The following GRIA3 variants were observed in gnomAD, a reference collection of about 807,000 sequenced individuals.
The protein encoded by GRIA3 is glutamate ionotropic receptor AMPA type subunit 3, also known as glutamate receptor 3.
Under a neutral mutation model 63.0 loss-of-function variants are expected in GRIA3, and 3 were observed. That is an observed-to-expected ratio of 0.05 (90% confidence interval 0.02 to 0.12). The LOEUF (loss-of-function observed/expected upper bound fraction) is 0.12. Among genes scored for constraint, GRIA3 ranks in the 10% least tolerant of loss-of-function variants. The pLI, the probability that GRIA3 is intolerant of heterozygous loss-of-function variation, is 1.00. For missense variants in GRIA3, 347 were observed against 700.9 expected (o/e 0.50, Z 5.70); for synonymous variants, 274 against 257.9 (o/e 1.06, Z -0.60).
At chrX:123,423,372 A>G (rs146726393) in intron 11 of GRIA3, among the ~76,000 whole-genome samples, 19 of 111,995 alleles carry the variant, frequency 1.7e-4, no homozygotes, top group African/African-American at 6.1e-4. Flanking sequence ...GAGATCAAAG[A>G]CAATAGGATT....
chrX:123,337,883 ATTG>A (rs1212026800), intron 4 of GRIA3, among the ~76,000 whole-genome samples: 2 of 112,122 alleles, frequency 1.8e-5, no homozygotes, highest in African/African-American at 6.5e-5. Flanking sequence ...CATAAAATCA[ATTG>A]TTGTTTGACA....
intron 2 of GRIA3, among the ~76,000 whole-genome samples, chrX:123,247,806 G>A (rs998252468): frequency 4.5e-5 from 5 of 111,558 alleles, no homozygotes; most frequent in Admixed American, 2.8e-4. Context: ...CTTGGTATGA[G>A]ATAGAGGGCA....
At chrX:123,300,478 G>A (rs1300868803) in intron 3 of GRIA3, among the ~76,000 whole-genome samples, 2 of 103,575 alleles carry the variant, frequency 1.9e-5, no homozygotes, top group Non-Finnish European at 4.0e-5. Flanking sequence ...GTCTTGGGAG[G>A]GTGTATGTAT....
At position 123,374,836 on chromosome X, in the gene GRIA3, C is replaced by T. The variant is rs750436943; in HGVS notation, c.750+19873C>T. On this transcript the variant is annotated intron_variant, in intron 5 of 15. Transcript: ENST00000620443. ...GACTTCCTCGTTTCCTAACTGAATA[C>T]CCTTTATTTATTTCTCTTGCCTGAT... Among the ~76,000 whole-genome samples the T allele has an allele frequency of 4.5e-5, 5 of 111,889 alleles. No homozygotes were observed. The South Asian group carries it at 1.9e-3, about 42-fold the overall frequency.
intron 2 of GRIA3, among the ~76,000 whole-genome samples, chrX:123,251,761 T>C (rs1286322235): frequency 8.9e-6 from 1 of 111,923 alleles, no homozygotes; most frequent in African/African-American, 3.2e-5. Context: ...AGACGTTTCC[T>C]GTGCATGTGT....
At chrX:123,380,417 G>A (rs1381714312) in intron 5 of GRIA3, among the ~76,000 whole-genome samples, 2 of 111,818 alleles carry the variant, frequency 1.8e-5, no homozygotes, top group Non-Finnish European at 3.8e-5. Flanking sequence ...TTTTTTTCAT[G>A]TGTCTTTTGG....
intron 2 of GRIA3, among the ~76,000 whole-genome samples, chrX:123,212,575 A>T (rs1456243785): frequency 1.8e-5 from 2 of 111,956 alleles, no homozygotes; most frequent in Non-Finnish European, 3.8e-5. Flanking sequence ...GTGAATGACA[A>T]AGAGTTTGCT....
At chrX:123,204,945 C>T (rs1295946410) in intron 2 of GRIA3, among the ~76,000 whole-genome samples, 14 of 111,183 alleles carry the variant, frequency 1.3e-4, no homozygotes. Flanking sequence ...CATAAAATGG[C>T]TTAAGAGTTT....
intron 12 of GRIA3, among the ~76,000 whole-genome samples, chrX:123,463,647 A>T: frequency 2.0e-5 from 1 of 50,230 alleles, no homozygotes; most frequent in Admixed American, 2.4e-4. Context: ...AAAGAAAGAA[A>T]GAAAGAAAGA....
At chrX:123,212,258 T>C (rs1239755947) in intron 2 of GRIA3, among the ~76,000 whole-genome samples, 3 of 111,357 alleles carry the variant, frequency 2.7e-5, no homozygotes, top group African/African-American at 9.8e-5. Context: ...TGAGTAAACA[T>C]TGTCAGAATT....
chrX:123,206,464 C>G (rs1927890454), intron 2 of GRIA3, among the ~76,000 whole-genome samples: 1 of 112,198 alleles, frequency 8.9e-6, no homozygotes, highest in Admixed American at 9.4e-5. Context: ...TGTCCCCTCA[C>G]TGCAGCAATC....
At chrX:123,367,570 G>C (rs1166551714) in intron 5 of GRIA3, among the ~76,000 whole-genome samples, 1 of 110,487 alleles carries the variant, frequency 9.1e-6, no homozygotes, top group Non-Finnish European at 1.9e-5. Context: ...CTGAGTAGCT[G>C]GGATTACAGG....
intron 2 of GRIA3, among the ~76,000 whole-genome samples, chrX:123,246,010 C>T (rs1291539455): frequency 4.5e-5 from 5 of 111,145 alleles, no homozygotes; most frequent in Non-Finnish European, 9.4e-5. Context: ...GAGCTGCCCT[C>T]CAAGGGAAGT....
chrX:123,184,659 G>C lies in GRIA3; in HGVS notation c.109+15G>C, dbSNP rs758668213. ...CATCAGCATAGGTAAGCGCAAGCGA[G>C]CCAGCCGTCGGTCCAGGCTCTCCCT... On this transcript the variant is annotated intron_variant, in intron 1 of 15. Transcript: ENST00000620443. 9.9e-6 allele frequency: 11 copies of C among 1,107,220 alleles called. No homozygotes were observed. The South Asian group carries it at 2.0e-4, about 20-fold the overall frequency. The allele number at this position is 1,107,220 out of a possible 1,213,427, so 91.2% of individuals were successfully genotyped here.
chrX:123,237,796 G>A (rs2044309297), intron 2 of GRIA3, among the ~76,000 whole-genome samples: 1 of 111,937 alleles, frequency 8.9e-6, no homozygotes, highest in Non-Finnish European at 1.9e-5. Context: ...AGTTGCATGT[G>A]TTTACTTAAT....
chrX:123,384,224 T>C (rs1268368185), intron 5 of GRIA3, among the ~76,000 whole-genome samples: 1 of 112,339 alleles, frequency 8.9e-6, no homozygotes, highest in African/African-American at 3.2e-5. Flanking sequence ...TACCCAGTAA[T>C]TGGATTGCTG....
intron 12 of GRIA3, among the ~76,000 whole-genome samples, chrX:123,435,964 T>G (rs769414695): frequency 1.0e-3 from 116 of 111,650 alleles, no homozygotes; most frequent in Non-Finnish European, 2.6e-4. Context: ...TTTAAAAGTA[T>G]GAAGGTGTCT....
chrX:123,300,360 CTTTTTTTTTTTT>C (rs147031319), intron 3 of GRIA3, among the ~76,000 whole-genome samples: 9 of 22,508 alleles, frequency 4.0e-4, no homozygotes, highest in Non-Finnish European at 6.5e-4. Flanking sequence ...TGGTCCTGGG[CTTTTTTTTTTTT>C]TTTTTTTTTT....
chrX:123,190,978 TAA>T (rs1318353701), intron 2 of GRIA3, among the ~76,000 whole-genome samples: 1 of 112,370 alleles, frequency 8.9e-6, no homozygotes, highest in Non-Finnish European at 1.9e-5. Flanking sequence ...TTTTTACAGT[TAA>T]AGAGATTTGT....
Sources: allele counts gnomAD v4.1 joint callset (sites outside exome capture counted in the v4.1 genomes callset), GRCh38; gene constraint gnomAD v4.1.1; transcripts MANE v1.5; gene names NCBI Gene and HGNC (gene_info 2026-07-23, HGNC 2026-07-21).